Variants in NLRC3 observed in about 807,000 individuals in gnomAD.
NLRC3 encodes NLR family CARD domain containing 3.
In NLRC3, 87 loss-of-function variants were observed where a neutral mutation model predicts 91.6. The ratio of observed to expected loss-of-function variants is 0.95; its 90% confidence interval spans 0.80 to 1.14. NLRC3 has a LOEUF of 1.14. NLRC3 is among the 50% of genes most tolerant of loss of function. NLRC3 has a pLI of 0.00. For missense variants in NLRC3, 1,577 were observed against 1,418.6 expected (o/e 1.11, Z -1.79); for synonymous variants, 694 against 625.3 (o/e 1.11, Z -1.64).
chr16:3,542,121 AACT>A, intron 19 of NLRC3, 67 bp downstream of exon 19: 1 of 1,153,380 alleles, frequency 8.7e-7, no homozygotes, highest in Non-Finnish European at 1.3e-6. Context: ...TGGCTCTCAG[AACT>A]GGGCAAAAGG....
At chr16:3,570,853 G>C (rs180818877) in intron 1 of NLRC3, among the ~76,000 whole-genome samples, 53 of 152,244 alleles carry the variant, frequency 3.5e-4, no homozygotes, top group South Asian at 1.2e-3. Flanking sequence ...GGAGCCACTG[G>C]GGGGAGTGAC....
Position 3,550,500 on chromosome 16 carries a change from G to A in NLRC3, c.2352-3C>T, listed in dbSNP as rs746323449. 15 of 1,606,828 alleles carry A rather than the reference G, an allele frequency of 9.3e-6. No homozygotes were observed. Among genetic ancestry groups the A allele is most frequent in the Middle Eastern group, 1.7e-4 (1 of 6,058 alleles). ...CACCAATACTATTACTGGAGAACCT[G>A]CAAGAGAAGGGATATGGATGAGCCA... On this transcript the variant is annotated splice_polypyrimidine_tract_variant and splice_region_variant and intron_variant, in intron 10 of 19. Transcript: ENST00000359128.
chr16:3,554,942 G>A (rs2039222369), intron 8 of NLRC3, among the ~76,000 whole-genome samples: 1 of 152,098 alleles, frequency 6.6e-6, no homozygotes, highest in Admixed American at 6.6e-5. Flanking sequence ...TAAAACAGAG[G>A]GAAGAGGCTG....
intron 10 of NLRC3, among the ~76,000 whole-genome samples, chr16:3,551,868 A>G (rs2039027578): frequency 1.5e-5 from 2 of 137,526 alleles, no homozygotes; most frequent in Non-Finnish European, 1.6e-5. Flanking sequence ...TACCCACCCA[A>G]CCATCCATCC....
At chr16:3,565,434 A>C (rs930343553) in intron 2 of NLRC3, 54 bp from the exon 3 acceptor site, 2 of 417,924 alleles carry the variant, frequency 4.8e-6, no homozygotes, top group African/African-American at 4.4e-5. Flanking sequence ...GGGAGGAATG[A>C]AAGAAGGTAC....
At position 3,554,280 on chromosome 16, in the gene NLRC3, A is replaced by T. The variant is rs772909464; in HGVS notation, c.2229T>A (p.Ala743=). Residue 743 remains alanine (A), a synonymous_variant, in exon 9 of 20, where the codon GCT becomes GCA. Coordinates refer to ENST00000359128, the MANE Select transcript of NLRC3 (RefSeq NM_178844.4). The part of the protein sequence containing the change: ...TVRDDGARSM[A]EALASNRTLS... The stretch of plus-strand genomic sequence containing the variant: ...GGGTCCGGTTGGAGGCCAAGGCCTC[A>T]GCCATGGACCTGGCACCATCATCCC... The T allele has an allele frequency of 6.2e-7, 1 of 1,613,864 alleles. No homozygotes were observed. Among genetic ancestry groups the T allele is most frequent in the Non-Finnish European group, 8.5e-7 (1 of 1,179,750 alleles).
rs1491331307 is a variant in NLRC3, at chr16:3,552,146, CAT to C, written c.2351+48_2351+49del. ...TCACAAATATTTGTGCTGGGTTGGG[CAT>C]TGTGCTGGGCACTGAGGATACTAGT... On this transcript the variant is annotated intron_variant, in intron 10 of 19. Coordinates refer to ENST00000359128, the MANE Select transcript of NLRC3 (RefSeq NM_178844.4). 4.5e-6 allele frequency: 5 copies of C among 1,101,484 alleles called. No homozygotes were observed. In the Admixed American group the frequency reaches 6.8e-5, roughly 15 times the overall value. 68.2% of individuals were successfully genotyped at this position (1,101,484 alleles called of 1,614,324 possible). A position where few individuals can be genotyped will look rare whatever the true frequency, so the allele number is the denominator to read the frequency against.
chr16:3,542,105 G>T (rs1172315666), intron 19 of NLRC3, 86 bp downstream of exon 19: 4 of 1,000,478 alleles, frequency 4.0e-6, no homozygotes, highest in East Asian at 2.6e-5. Flanking sequence ...GCGTCTGGGG[G>T]TCAGCTGGCT....
At chr16:3,542,160 A>G (rs1182084810) in intron 19 of NLRC3, 31 bp downstream of exon 19, 4 of 1,473,730 alleles carry the variant, frequency 2.7e-6, no homozygotes, top group Non-Finnish European at 3.7e-6. Flanking sequence ...AAGCAGTTCT[A>G]AGGGTGAGCA....
intron 1 of NLRC3, among the ~76,000 whole-genome samples, chr16:3,572,608 A>G (rs1200072998): frequency 1.3e-5 from 2 of 152,240 alleles, no homozygotes; most frequent in Non-Finnish European, 2.9e-5. Context: ...ATCTTAATTC[A>G]TAGTGGGTGG....
At chr16:3,575,751 G>C (rs927592433) in intron 1 of NLRC3, among the ~76,000 whole-genome samples, 4 of 152,084 alleles carry the variant, frequency 2.6e-5, no homozygotes, top group Non-Finnish European at 4.4e-5. Flanking sequence ...CCGCCCACCT[G>C]ATCTGTGCCT....
At chr16:3,575,375 A>T (rs2040247129) in intron 1 of NLRC3, among the ~76,000 whole-genome samples, 1 of 152,236 alleles carries the variant, frequency 6.6e-6, no homozygotes, top group African/African-American at 2.4e-5. Context: ...GCGAGGCCGC[A>T]GACGCCACTA....
Position 3,548,746 on chromosome 16 carries a change from C to A in NLRC3, c.2611G>T (p.Ala871Ser). The A allele has an allele frequency of 6.2e-7, 1 of 1,602,066 alleles. No individual in the cohort carries two copies. Among genetic ancestry groups the A allele is most frequent in the Non-Finnish European group, 8.5e-7 (1 of 1,174,572 alleles). The change falls in exon 14 of 20, where the codon GCC becomes TCC. Residue 871 changes from alanine (A) to serine (S), a missense_variant. Transcript: ENST00000359128. ...NSTLKNLDLT[A>S]NLLHDQGARA... ...GCACCCTGGTCGTGGAGGAGGTTGGCTGTCAGGCTAGGAGGAAGGGAACAG... is the reference window on the plus strand; with the variant it reads ...GCACCCTGGTCGTGGAGGAGGTTGGATGTCAGGCTAGGAGGAAGGGAACAG...
chr16:3,574,994 T>C, intron 1 of NLRC3, among the ~76,000 whole-genome samples: 1 of 152,190 alleles, frequency 6.6e-6, no homozygotes, highest in East Asian at 1.9e-4. Flanking sequence ...TATCCACAGA[T>C]AATTAAATTT....
At position 3,566,293 on chromosome 16, in the gene NLRC3, A is replaced by G. The variant is rs11077347; in HGVS notation, c.-86-913T>C. On this transcript the variant is annotated intron_variant, in intron 2 of 19. Transcript: ENST00000359128. ...GGGAAGTCTCTGTACTTTCCCATCA[A>G]TTTTTCTGTAAACCTGGCCAGACGC... Among the ~76,000 whole-genome samples the G allele has an allele frequency of 4.0e-3, 610 of 151,904 alleles. 6 individuals are homozygous for G. The highest frequency in any genetic ancestry group is 0.014 in the African/African-American group (582 of 41,416).
chr16:3,562,902 A>G (rs754990899), intron 5 of NLRC3, 107 bp downstream of exon 5: 5 of 1,025,866 alleles, frequency 4.9e-6, no homozygotes, highest in Non-Finnish European at 7.3e-6. Context: ...GTCCTCTGTT[A>G]CGGCAGCCCT....
At chr16:3,575,767 C>A (rs912965348) in intron 1 of NLRC3, among the ~76,000 whole-genome samples, 2 of 152,222 alleles carry the variant, frequency 1.3e-5, no homozygotes, top group African/African-American at 4.8e-5. Flanking sequence ...TGCCTCAGTC[C>A]TTGCCGGGAC....
rs779740117 is a variant in NLRC3 at position 3,557,741 on chromosome 16, C to G, written c.2016-65G>C. On this transcript the variant is annotated intron_variant, in intron 6 of 19. Transcript: ENST00000359128. ...GCACATCTCATGGCCTCTTCCTCAACGCTGTGCCCGTGATTAATCCTCTAG... is the reference window on the plus strand; with the variant it reads ...GCACATCTCATGGCCTCTTCCTCAAGGCTGTGCCCGTGATTAATCCTCTAG... The G allele has an allele frequency of 4.5e-5, 45 of 999,238 alleles. No individual in the cohort carries two copies. The South Asian group carries it at 5.6e-4, about 12-fold the overall frequency. 61.9% of individuals were successfully genotyped at this position (999,238 alleles called of 1,614,324 possible).
chr16:3,565,132 C>T, intron 3 of NLRC3, 72 bp from the exon 4 acceptor site: 12 of 1,201,204 alleles, frequency 1.0e-5, no homozygotes, highest in Non-Finnish European at 9.5e-6. Flanking sequence ...GTGAGCAAGT[C>T]CCCAGGAACG....
Sources: gnomAD v4.1 joint callset for allele counts (sites outside exome capture counted in the v4.1 genomes callset) on GRCh38, gnomAD v4.1.1 for gene constraint, MANE v1.5 for transcripts, NCBI Gene and HGNC (gene_info 2026-07-23, HGNC 2026-07-21) for gene names.